CACNA1E: variants seen among roughly 807,000 people sequenced by gnomAD.
The protein encoded by CACNA1E is voltage-dependent R-type calcium channel subunit alpha-1E.
A neutral mutation model predicts 259.2 loss-of-function variants in CACNA1E; 40 were observed. That is an observed-to-expected ratio of 0.15 (90% CI 0.12 to 0.20). The LOEUF (loss-of-function observed/expected upper bound fraction) is 0.20. Ranked by LOEUF, CACNA1E falls within the 10% of genes least tolerant of loss-of-function variation. The probability of loss-of-function intolerance (pLI) is 1.00; values close to 1 mark genes in which losing one functional copy is unlikely to be tolerated. For missense variants in CACNA1E, 1,874 were observed against 3,040.1 expected (o/e 0.62, Z 9.02); for synonymous variants, 1,104 against 1,138.5 (o/e 0.97, Z 0.61).
In CACNA1E at chr1:181,717,116, A is replaced by G. The variant is rs1199353729; in HGVS notation, c.1339A>G (p.Ile447Val). Residue 447 changes from isoleucine (I) to valine (V), a missense_variant, in exon 11 of 48, where the codon ATC becomes GTC. By Grantham distance (29) the Ile-to-Val change is conservative. Transcript: ENST00000367573. ...SVGTPLARAS[I>V]KSAKVDGVSY... The stretch of plus-strand genomic sequence containing the variant: ...AGGCACACCTCTGGCCCGAGCCAGT[A>G]TCAAAAGTGCAAAGGTAGACGGGGT... 2 of 1,614,050 alleles carry G rather than the reference A, an allele frequency of 1.2e-6. No homozygotes were observed. Among genetic ancestry groups the G allele is most frequent in the South Asian group, 2.2e-5 (2 of 91,084 alleles).
chr1:181,775,681 A>T (rs12039323), intron 37 of CACNA1E, among the ~76,000 whole-genome samples: 16,480 of 152,252 alleles, frequency 0.11, 973 homozygotes, highest in East Asian at 0.19. Flanking sequence ...ACAAAAGATG[A>T]ATGATGTTTC....
chr1:181,572,848 G>A (rs897991368), intron 3 of CACNA1E, among the ~76,000 whole-genome samples: 17 of 152,192 alleles, frequency 1.1e-4, no homozygotes, highest in African/African-American at 4.1e-4. Context: ...GTCTGGTCCT[G>A]AGAGTGAGAT....
At chr1:181,358,000 C>T (rs370159561) in intron 1 of CACNA1E, among the ~76,000 whole-genome samples, 33 of 152,180 alleles carry the variant, frequency 2.2e-4, no homozygotes, top group African/African-American at 7.0e-4. Context: ...GCTGGTGGAG[C>T]GTTCTGTCTG....
chr1:181,385,371 G>T (rs1300882375), intron 1 of CACNA1E, among the ~76,000 whole-genome samples: 1 of 152,200 alleles, frequency 6.6e-6, no homozygotes, highest in Non-Finnish European at 1.5e-5. Context: ...ATCTCCGATG[G>T]AATATCACAT....
At chr1:181,666,526 T>C (rs900286523) in intron 7 of CACNA1E, among the ~76,000 whole-genome samples, 4 of 152,140 alleles carry the variant, frequency 2.6e-5, no homozygotes, top group Non-Finnish European at 5.9e-5. Flanking sequence ...TATTGATAAA[T>C]GTAAACAATG....
intron 1 of CACNA1E, among the ~76,000 whole-genome samples, chr1:181,363,540 C>G (rs1654046621): frequency 6.6e-6 from 1 of 152,126 alleles, no homozygotes; most frequent in East Asian, 1.9e-4. Flanking sequence ...GTGAGGAGAA[C>G]AACAAGTAGG....
intron 6 of CACNA1E, among the ~76,000 whole-genome samples, chr1:181,617,799 C>T (rs916572164): frequency 3.9e-5 from 6 of 152,206 alleles, no homozygotes; most frequent in African/African-American, 1.4e-4. Flanking sequence ...AAAGTTATGA[C>T]AGTGACAGAG....
chr1:181,780,484 G>A (rs1416622764), intron 38 of CACNA1E, among the ~76,000 whole-genome samples: 2 of 152,192 alleles, frequency 1.3e-5, no homozygotes, highest in African/African-American at 4.8e-5. Context: ...GCATAGCACT[G>A]CCCAGGCAGC....
chr1:181,580,541 A>G, intron 5 of CACNA1E, 54 bp from the exon 6 acceptor site: 2 of 1,552,874 alleles, frequency 1.3e-6, no homozygotes, highest in Non-Finnish European at 1.8e-6. Context: ...GGTCATTTCC[A>G]GCTCATGCGA....
In CACNA1E at chr1:181,785,405, A is replaced by T; in HGVS notation, c.5666A>T (p.Gln1889Leu). ...AGTAAGGTGAAGAAGCAGAGGCAGC[A>T]GCTGGAGGAACAGGTGAAAGTCAAT... ...KQSKVKKQRQ[Q>L]LEEQKNAPMF... Residue 1889 changes from glutamine to leucine, a missense_variant, in exon 42 of 48, where the codon CAG becomes CTG. This residue lies in a region of CACNA1E where 542 missense variants were observed against 587.2 expected (regional missense o/e 0.92). Transcript: ENST00000367573. 2 of 1,609,254 alleles carry T rather than the reference A, an allele frequency of 1.2e-6. No homozygotes were observed. The highest frequency in any genetic ancestry group is 1.7e-6 in the Non-Finnish European group (2 of 1,176,066).
intron 7 of CACNA1E, among the ~76,000 whole-genome samples, chr1:181,658,223 A>G (rs780762790): frequency 3.2e-4 from 48 of 152,226 alleles, no homozygotes; most frequent in Non-Finnish European, 4.1e-4. Flanking sequence ...GGAACAGAAC[A>G]CTACCATACT....
At position 181,762,587 on chromosome 1, in the gene CACNA1E, A is replaced by G; in HGVS notation, c.4619A>G (p.Asp1540Gly). The change falls in exon 33 of 48, where the codon GAC (aspartate) becomes GGC (glycine). Residue 1540 changes from aspartate to glycine, a missense_variant. Coordinates refer to ENST00000367573, the MANE Select transcript of CACNA1E (RefSeq NM_001205293.3). ...IAFGFLNYFRDTWNIFDFITV... is the reference protein window; with the variant it reads ...IAFGFLNYFRGTWNIFDFITV... ...TTCATTTGGCAGAACTATTTCCGAG[A>G]CACCTGGAATATCTTTGACTTCATC... 6.2e-7 allele frequency: 1 copy of G among 1,606,038 alleles called. No individual in the cohort carries two copies. Among genetic ancestry groups the G allele is most frequent in the Non-Finnish European group, 8.5e-7 (1 of 1,173,594 alleles).
At chr1:181,488,352 A>G (rs1357925977) in intron 1 of CACNA1E, among the ~76,000 whole-genome samples, 2 of 152,214 alleles carry the variant, frequency 1.3e-5, no homozygotes, top group East Asian at 1.9e-4. Flanking sequence ...CTGTAATTAT[A>G]TCCTATGATC....
rs141071408 is a variant in CACNA1E at position 181,356,341 on chromosome 1, CGT to C, written c.-15+38239_-15+38240del. ...TATTCCCTGGCTGTTGCCTTCTATT[CGT>C]GTGTGTGTGTGTGTGTGTGTTCAAG... On this transcript the variant is annotated intron_variant, in intron 1 of 11. Coordinates refer to the CACNA1E transcript ENST00000524607. Among the ~76,000 whole-genome samples, 219 of 146,978 alleles carry C rather than the reference CGT, an allele frequency of 1.5e-3. 2 individuals carry two copies. The highest frequency in any genetic ancestry group is 9.0e-4 in the Non-Finnish European group (61 of 67,544).
At position 181,370,386 on chromosome 1, in the gene CACNA1E, C is replaced by T. The variant is rs565669405; in HGVS notation, c.-14-42747C>T. The stretch of plus-strand genomic sequence containing the variant: ...TGGTGTACAAATGATTTCTTCATGC[C>T]CAGGTAGTGAGCATGGTACCTGATT... On this transcript the variant is annotated intron_variant, in intron 1 of 11. Coordinates refer to the CACNA1E transcript ENST00000524607. Among the ~76,000 whole-genome samples the T allele has an allele frequency of 2.3e-4, 34 of 151,090 alleles. No individual in the cohort carries two copies. In the South Asian group the frequency reaches 7.1e-3, roughly 32 times the overall value.
chr1:181,412,130 G>T (rs1557982596), intron 1 of CACNA1E, among the ~76,000 whole-genome samples: 1 of 152,236 alleles, frequency 6.6e-6, no homozygotes, highest in Non-Finnish European at 1.5e-5. Flanking sequence ...AGGCCAATCT[G>T]GTTATGTCCT....
At chr1:181,614,857 A>G (rs1028685917) in intron 6 of CACNA1E, among the ~76,000 whole-genome samples, 2 of 152,222 alleles carry the variant, frequency 1.3e-5, no homozygotes, top group Non-Finnish European at 2.9e-5. Context: ...ACAGTTCTGT[A>G]AGTTTTTTCA....
At chr1:181,359,813 A>G (rs891479398) in intron 1 of CACNA1E, among the ~76,000 whole-genome samples, 1 of 152,238 alleles carries the variant, frequency 6.6e-6, no homozygotes, top group South Asian at 2.1e-4. Context: ...ACTTATTTCT[A>G]TAATACATTC....
intron 6 of CACNA1E, among the ~76,000 whole-genome samples, chr1:181,631,710 A>G (rs973972412): frequency 6.6e-6 from 1 of 152,212 alleles, no homozygotes; most frequent in Non-Finnish European, 1.5e-5. Context: ...AGGAGGAGAT[A>G]GATCTTCAGC....
Sources: allele counts gnomAD v4.1 joint callset (sites outside exome capture counted in the v4.1 genomes callset), GRCh38; gene constraint gnomAD v4.1.1; regional missense constraint gnomAD v4.1.1; transcripts MANE v1.5; gene names NCBI Gene and HGNC (gene_info 2026-07-23, HGNC 2026-07-21).